Variants in BRCC3 observed in about 807,000 individuals in gnomAD.
BRCC3 encodes the protein lys-63-specific deubiquitinase BRCC36.
BRCC3 carries 15 observed loss-of-function variants against 28.0 expected under a neutral mutation model. The ratio of observed to expected loss-of-function variants is 0.54; its 90% CI spans 0.36 to 0.82. The LOEUF (loss-of-function observed/expected upper bound fraction) is 0.82, where lower values mean the gene tolerates loss of function less well. Among genes scored for constraint, BRCC3 ranks in the 40% least tolerant of loss-of-function variants. The probability of loss-of-function intolerance (pLI) is 0.01; values close to 1 mark genes in which losing one functional copy is unlikely to be tolerated. For missense variants in BRCC3, 109 were observed against 225.9 expected, an observed-to-expected ratio of 0.48 and a Z score of 3.32; for synonymous variants, 66 against 80.3, an observed-to-expected ratio of 0.82 and a Z score of 0.95.
At chrX:155,099,490 A>G in intron 7 of BRCC3, 9 of 1,095,926 alleles carry the variant, frequency 8.2e-6, no homozygotes, top group Non-Finnish European at 9.7e-6. Context: ...TCTCACTGGC[A>G]GAACTCAGTC....
intron 3 of BRCC3, 56 bp from the exon 4 acceptor site, chrX:155,077,114 G>T: frequency 9.6e-7 from 1 of 1,045,390 alleles, no homozygotes; most frequent in Non-Finnish European, 1.3e-6. Flanking sequence ...ATAGTTGAAG[G>T]GGGATGTGTT....
intron 7 of BRCC3, among the ~76,000 whole-genome samples, chrX:155,092,983 A>C (rs1270616411): frequency 9.1e-6 from 1 of 110,491 alleles, no homozygotes; most frequent in Non-Finnish European, 1.9e-5. Flanking sequence ...CCCCCTCATA[A>C]CTTTGAAGGC....
chrX:155,102,184 A>T (rs1450108545), intron 7 of BRCC3, among the ~76,000 whole-genome samples: 2 of 112,054 alleles, frequency 1.8e-5, no homozygotes, highest in African/African-American at 6.5e-5. Flanking sequence ...AATACCTAGG[A>T]TCACACTGGC....
intron 7 of BRCC3, among the ~76,000 whole-genome samples, chrX:155,100,359 T>C (rs1246250779): frequency 1.8e-5 from 2 of 112,328 alleles, no homozygotes; most frequent in East Asian, 5.5e-4. Context: ...TCTAATTACA[T>C]CCATATAACA....
chrX:155,121,517 A>G lies in BRCC3; in HGVS notation c.*313A>G, dbSNP rs1557299436. ...GAGCAATTAGACACCCATGGCGAGG[A>G]GAAAAAAGAACCTCTACTTAAACCT... is the stretch of plus-strand genomic sequence containing the variant. On this transcript the variant is annotated 3_prime_UTR_variant, in exon 11 of 11. Transcript: ENST00000330045. 1.8e-5 allele frequency: 2 copies of G among 112,223 alleles called. No homozygotes were observed. Among genetic ancestry groups the G allele is most frequent in the Non-Finnish European group, 3.8e-5 (2 of 53,251 alleles). 9.2% of individuals were successfully genotyped at this position (112,223 alleles called of 1,213,427 possible). A position where few individuals can be genotyped will look rare whatever the true frequency, so the allele number is the denominator to read the frequency against.
intron 5 of BRCC3, among the ~76,000 whole-genome samples, chrX:155,085,813 G>C (rs1363321578): frequency 8.9e-6 from 1 of 111,916 alleles, no homozygotes; most frequent in African/African-American, 3.2e-5. Flanking sequence ...GGTTTACAGA[G>C]TTTCTGTCTT....
In BRCC3 at chrX:155,075,283, C is replaced by CTGAA. The variant is rs782764498; in HGVS notation, c.195+1852_195+1853insTGAA. ...CTTCAACATCTGATAATGCTAAGCC[C>CTGAA]ACTCTTTCCCCTGGCCCTTCTTGTT... On this transcript the variant is annotated intron_variant, in intron 3 of 10. Transcript: ENST00000330045. Among the ~76,000 whole-genome samples the CTGAA allele has an allele frequency of 1.0e-4, 5 of 50,019 alleles. No homozygotes were observed. In the African/African-American group the frequency reaches 3.2e-3, roughly 32 times the overall value. 43.4% of individuals were successfully genotyped at this position (50,019 alleles called of 115,157 possible).
intron 7 of BRCC3, among the ~76,000 whole-genome samples, chrX:155,115,791 C>G (rs1445285951): frequency 8.9e-6 from 1 of 112,118 alleles, no homozygotes; most frequent in Non-Finnish European, 1.9e-5. Flanking sequence ...ACCTTGAGCT[C>G]TCAAGGCTTC....
intron 6 of BRCC3, among the ~76,000 whole-genome samples, chrX:155,090,297 A>G (rs1199237460): frequency 2.7e-5 from 3 of 112,543 alleles, no homozygotes; most frequent in Non-Finnish European, 5.6e-5. Flanking sequence ...CATTGTAGGT[A>G]TGAATTCTGC....
chrX:155,104,658 A>G (rs1232630767), intron 7 of BRCC3, among the ~76,000 whole-genome samples: 1 of 112,034 alleles, frequency 8.9e-6, no homozygotes, highest in East Asian at 2.8e-4. Flanking sequence ...CATTTTCTCA[A>G]CTCGGCATCT....
chrX:155,114,555 G>A (rs1467222042), intron 7 of BRCC3, among the ~76,000 whole-genome samples: 1 of 108,710 alleles, frequency 9.2e-6, no homozygotes, highest in African/African-American at 3.4e-5. Flanking sequence ...TAAAATGGTT[G>A]ATAGTAAATT....
intron 5 of BRCC3, among the ~76,000 whole-genome samples, chrX:155,087,254 G>A (rs1557295045): frequency 2.7e-5 from 3 of 111,751 alleles, no homozygotes; most frequent in African/African-American, 9.8e-5. Context: ...AGCTTCGCCG[G>A]CGAGAAGAAT....
At chrX:155,081,188 A>T (rs1460894837) in intron 5 of BRCC3, among the ~76,000 whole-genome samples, 1 of 110,399 alleles carries the variant, frequency 9.1e-6, no homozygotes, top group African/African-American at 3.3e-5. Flanking sequence ...AAAATTAGAC[A>T]GGCATGGTGG....
At chrX:155,082,115 G>C (rs2074089481) in intron 5 of BRCC3, among the ~76,000 whole-genome samples, 1 of 112,145 alleles carries the variant, frequency 8.9e-6, no homozygotes, top group Non-Finnish European at 1.9e-5. Context: ...AGGTTAAGCT[G>C]TATGGGGAAA....
rs1300509858 is a variant in BRCC3, at chrX:155,115,050, T to C, written c.549-1007T>C. ...ACTTCTCATCAGAACCCTGGGAGGC[T>C]GGAAGATGATGGGGTGACATCTTTA... On this transcript the variant is annotated intron_variant, in intron 7 of 10. Coordinates refer to ENST00000330045, the MANE Select transcript of BRCC3 (RefSeq NM_001018055.3). 4.5e-5 allele frequency among the ~76,000 whole-genome samples: 5 copies of C among 111,948 alleles called. No individual in the cohort carries two copies. In the East Asian group the frequency reaches 1.4e-3, roughly 31 times the overall value.
rs143368805 is a variant in BRCC3, at chrX:155,086,012, G to A, written c.404-3251G>A. ...CGCTCTCGATATGAGTTTTGGTAGCGGCCAGCCTGGGTCTGGGAGCAGAGT... is the reference window on the plus strand; with the variant it reads ...CGCTCTCGATATGAGTTTTGGTAGCAGCCAGCCTGGGTCTGGGAGCAGAGT... On this transcript the variant is annotated intron_variant, in intron 5 of 10. Coordinates refer to ENST00000330045, the MANE Select transcript of BRCC3 (RefSeq NM_001018055.3). Among the ~76,000 whole-genome samples, 231 of 111,465 alleles carry A rather than the reference G, an allele frequency of 2.1e-3. 3 individuals are homozygous for A. Among genetic ancestry groups the A allele is most frequent in the African/African-American group, 7.3e-3 (224 of 30,626 alleles).
chrX:155,091,295 A>G (rs2074172805), intron 7 of BRCC3, among the ~76,000 whole-genome samples: 1 of 108,871 alleles, frequency 9.2e-6, no homozygotes, highest in South Asian at 4.0e-4. Flanking sequence ...TTTTTGAGAC[A>G]GAGTCTCACT....
chrX:155,084,864 G>A (rs1363757017), intron 5 of BRCC3, among the ~76,000 whole-genome samples: 1 of 111,176 alleles, frequency 9.0e-6, no homozygotes, highest in Non-Finnish European at 1.9e-5. Flanking sequence ...CAGCTACTCA[G>A]GAGGCTAAGG....
intron 4 of BRCC3, 152 bp from the exon 5 acceptor site, chrX:155,078,464 G>T: frequency 2.2e-6 from 1 of 463,628 alleles, no homozygotes; most frequent in South Asian, 3.3e-5. Flanking sequence ...GCTTTAAATG[G>T]GCATTATGGG....
Sources: allele counts gnomAD v4.1 joint callset (sites outside exome capture counted in the v4.1 genomes callset), GRCh38; gene constraint gnomAD v4.1.1; transcripts MANE v1.5; gene names NCBI Gene and HGNC (gene_info 2026-07-23, HGNC 2026-07-21).